Variants in SRBD1 observed in about 807,000 individuals in gnomAD.
SRBD1 encodes S1 RNA binding domain 1, also known as S1 RNA-binding domain-containing protein 1.
Under a neutral mutation model 115.3 loss-of-function variants are expected in SRBD1, and 88 were observed. The observed-to-expected ratio is 0.76, with a 90% CI of 0.64 to 0.91. SRBD1 has a LOEUF of 0.91. Among genes scored for constraint, SRBD1 ranks in the 40% least tolerant of loss-of-function variants. The pLI, the probability that SRBD1 is intolerant of heterozygous loss-of-function variation, is 0.00. For missense variants in SRBD1, 1,385 were observed against 1,177.4 expected (o/e 1.18, Z -2.58); for synonymous variants, 509 against 407.7 (o/e 1.25, Z -2.99).
chr2:45,553,529 TA>T, intron 11 of SRBD1, 93 bp downstream of exon 11: 1 of 785,962 alleles, frequency 1.3e-6, no homozygotes, highest in African/African-American at 1.8e-5. Flanking sequence ...TTCGATTGGT[TA>T]ATCAATCAAC....
chr2:45,558,297 T>A (rs1463394269), intron 10 of SRBD1, among the ~76,000 whole-genome samples: 1 of 152,162 alleles, frequency 6.6e-6, no homozygotes, highest in Non-Finnish European at 1.5e-5. Flanking sequence ...AGATAATGTC[T>A]CTAAAAAGAA....
intron 16 of SRBD1, among the ~76,000 whole-genome samples, chr2:45,423,566 C>G (rs1359154049): frequency 6.6e-6 from 1 of 151,950 alleles, no homozygotes; most frequent in Non-Finnish European, 1.5e-5. Flanking sequence ...TCAAAACTCT[C>G]CCAACAAAAA....
chr2:45,548,898 T>C (rs1672204545), intron 12 of SRBD1: 2 of 152,224 alleles, frequency 1.3e-5, no homozygotes, highest in East Asian at 1.9e-4. Context: ...AAGACACCTA[T>C]GCATCAGCAT....
intron 16 of SRBD1, among the ~76,000 whole-genome samples, chr2:45,450,470 T>G (rs1668960201): frequency 6.6e-6 from 1 of 152,178 alleles, no homozygotes; most frequent in Admixed American, 6.5e-5. Context: ...CCAAAAATTT[T>G]AGATCTTCTA....
chr2:45,562,644 T>C lies in SRBD1; in HGVS notation c.1409+9A>G. On this transcript the variant is annotated intron_variant, in intron 10 of 20. Coordinates refer to ENST00000263736, the MANE Select transcript of SRBD1 (RefSeq NM_018079.5). ...ACAAAGAAAATTCTGTAAATATCTGTAAACAGACCTGTTTTGGATGCACCA... is the reference window on the plus strand; with the variant it reads ...ACAAAGAAAATTCTGTAAATATCTGCAAACAGACCTGTTTTGGATGCACCA... 1 of 1,586,334 alleles carries C rather than the reference T, an allele frequency of 6.3e-7. No homozygotes were observed. The highest frequency in any genetic ancestry group is 8.6e-7 in the Non-Finnish European group (1 of 1,168,152).
intron 14 of SRBD1, among the ~76,000 whole-genome samples, chr2:45,517,234 G>A (rs1050984838): frequency 7.2e-5 from 11 of 152,064 alleles, no homozygotes; most frequent in Non-Finnish European, 1.3e-4. Context: ...TTTTCTATGT[G>A]TGTTTTATCT....
At chr2:45,579,666 G>A (rs1673284055) in intron 7 of SRBD1, among the ~76,000 whole-genome samples, 1 of 151,618 alleles carries the variant, frequency 6.6e-6, no homozygotes, top group Admixed American at 6.6e-5. Context: ...ATAGAAAAAC[G>A]GGCAAAAGAC....
chr2:45,432,187 G>A (rs1051577516), intron 16 of SRBD1, among the ~76,000 whole-genome samples: 5 of 152,030 alleles, frequency 3.3e-5, no homozygotes, highest in Middle Eastern at 3.2e-3. Flanking sequence ...GTGCCACCAC[G>A]CGCAGCTAAT....
intron 19 of SRBD1, among the ~76,000 whole-genome samples, chr2:45,401,179 G>A (rs1227597016): frequency 6.6e-6 from 1 of 152,184 alleles, no homozygotes; most frequent in African/African-American, 2.4e-5. Context: ...TGGGCCCAGT[G>A]GCACACACAT....
At chr2:45,521,870 A>G (rs886407496) in intron 14 of SRBD1, among the ~76,000 whole-genome samples, 4 of 152,074 alleles carry the variant, frequency 2.6e-5, no homozygotes, top group African/African-American at 9.7e-5. Context: ...CAGGAGGCTC[A>G]GCTGGGAGGA....
intron 16 of SRBD1, among the ~76,000 whole-genome samples, chr2:45,473,955 T>C (rs892176360): frequency 2.0e-5 from 3 of 152,216 alleles, no homozygotes; most frequent in Non-Finnish European, 2.9e-5. Flanking sequence ...TGTGACTTTT[T>C]GTTCATGCTT....
chr2:45,577,110 C>G (rs1030528998), intron 7 of SRBD1, among the ~76,000 whole-genome samples: 2 of 152,178 alleles, frequency 1.3e-5, no homozygotes, highest in Admixed American at 1.3e-4. Flanking sequence ...AAAACTGCCA[C>G]TAGGGAAATG....
At chr2:45,485,200 A>G (rs775904419) in intron 15 of SRBD1, among the ~76,000 whole-genome samples, 9 of 152,164 alleles carry the variant, frequency 5.9e-5, no homozygotes, top group Non-Finnish European at 1.0e-4. Flanking sequence ...CGCTCTCACC[A>G]TACTTCCAAA....
At chr2:45,414,500 T>TGTGTGTGTACATACATAGTGTGTATATA (rs1667707903) in intron 18 of SRBD1, among the ~76,000 whole-genome samples, 1 of 148,954 alleles carries the variant, frequency 6.7e-6, no homozygotes, top group Non-Finnish European at 1.5e-5. Flanking sequence ...GTGTATATAG[T>TGTGTGTGTACATACATAGTGTGTATATA]GTGTGTGTAC....
At chr2:45,438,306 C>T (rs1300070318) in intron 16 of SRBD1, among the ~76,000 whole-genome samples, 3 of 152,164 alleles carry the variant, frequency 2.0e-5, no homozygotes, top group Non-Finnish European at 4.4e-5. Flanking sequence ...GTATTTTCAA[C>T]AACACAGAGC....
At chr2:45,577,121 C>T (rs529487561) in intron 7 of SRBD1, among the ~76,000 whole-genome samples, 2 of 152,176 alleles carry the variant, frequency 1.3e-5, no homozygotes, top group Admixed American at 1.3e-4. Flanking sequence ...TAGGGAAATG[C>T]CTTGAGCTAC....
intron 4 of SRBD1, among the ~76,000 whole-genome samples, chr2:45,587,381 G>A (rs1673581416): frequency 6.6e-6 from 1 of 151,364 alleles, no homozygotes; most frequent in Admixed American, 6.6e-5. Flanking sequence ...CAGTTAAACA[G>A]AAAAGTTTAC....
chr2:45,456,037 A>T (rs1427645260), intron 16 of SRBD1, among the ~76,000 whole-genome samples: 2 of 151,916 alleles, frequency 1.3e-5, no homozygotes, highest in South Asian at 4.1e-4. Flanking sequence ...AGAAAAAAAA[A>T]ATCACCTTAC....
chr2:45,412,299 C>T (rs1199044056), intron 19 of SRBD1, among the ~76,000 whole-genome samples: 1 of 151,966 alleles, frequency 6.6e-6, no homozygotes, highest in Non-Finnish European at 1.5e-5. Context: ...TGGGGGAAAC[C>T]AGGAACTAGT....
Sources: gnomAD v4.1 joint callset for allele counts (sites outside exome capture counted in the v4.1 genomes callset) on GRCh38, gnomAD v4.1.1 for gene constraint, MANE v1.5 for transcripts, NCBI Gene and HGNC (gene_info 2026-07-23, HGNC 2026-07-21) for gene names.